The following NOMO2 variants were observed in gnomAD, a reference collection of about 807,000 sequenced individuals.
NOMO2 encodes the protein NODAL modulator 2.
Under a neutral mutation model 67.1 loss-of-function variants are expected in NOMO2, and 14 were observed. The observed-to-expected ratio is 0.21, with a 90% CI of 0.14 to 0.33. NOMO2 has a LOEUF of 0.33. Among genes scored for constraint, NOMO2 ranks in the 10% least tolerant of loss-of-function variants. The pLI is 1.00. For synonymous variants in NOMO2, 80 were observed against 305.9 expected, an observed-to-expected ratio of 0.26 and a Z score of 7.71; for missense variants, 178 against 761.0, an observed-to-expected ratio of 0.23 and a Z score of 9.01.
At position 18,533,162 on chromosome 16, in the gene NOMO2, C is replaced by G; in HGVS notation, c.1238G>C (p.Arg413Pro). ...GTCCGGGAAGCGAATGATTGATATC[C>G]GACCACAGACACTGAACCTGCAAAG... is the stretch of plus-strand genomic sequence containing the variant. ...IVATGFSVCGRISIIRFPDTV... is the reference protein window; with the variant it reads ...IVATGFSVCGPISIIRFPDTV... Residue 413 changes from arginine to proline, a missense_variant, in exon 12 of 31, where the codon CGG (arginine) becomes CCG (proline). Arg to Pro is a moderately radical substitution (Grantham distance 103, BLOSUM62 -2). Coordinates refer to ENST00000622306, the MANE Select transcript of NOMO2 (RefSeq NM_173614.4). 2 of 1,611,456 alleles carry G rather than the reference C, an allele frequency of 1.2e-6. No individual in the cohort carries two copies. The highest frequency in any genetic ancestry group is 1.1e-5 in the South Asian group (1 of 90,908).
At chr16:18,535,908 T>C (rs1212056906) in intron 11 of NOMO2, among the ~76,000 whole-genome samples, 10 of 151,986 alleles carry the variant, frequency 6.6e-5, no homozygotes, top group African/African-American at 2.4e-4. Flanking sequence ...GCGATTCTCC[T>C]GCCTCAGCCT....
chr16:18,557,951 A>C lies in NOMO2; in HGVS notation c.166-160T>G, dbSNP rs552124455. ...TACTGGGGACAGAGGGAAATCAACAAACTCTCTCCCAAATCATGTGACTCA... is the reference window on the plus strand; with the variant it reads ...TACTGGGGACAGAGGGAAATCAACACACTCTCTCCCAAATCATGTGACTCA... On this transcript the variant is annotated intron_variant, in intron 1 of 30. Transcript: ENST00000622306. 7.2e-5 allele frequency among the ~76,000 whole-genome samples: 11 copies of C among 152,160 alleles called. No individual in the cohort carries two copies. The South Asian group carries it at 2.3e-3, about 32-fold the overall frequency.
chr16:18,555,055 TA>T (rs1901873159), intron 2 of NOMO2, among the ~76,000 whole-genome samples: 1 of 100,788 alleles, frequency 9.9e-6, no homozygotes, highest in Admixed American at 1.3e-4. Context: ...AGTTTTCATC[TA>T]AACAATCAGA....
At position 18,533,179 on chromosome 16, in the gene NOMO2, C is replaced by T. The variant is rs1371165601; in HGVS notation, c.1221G>A (p.Gly407=). Residue 407 remains glycine, a splice_region_variant and synonymous_variant, in exon 12 of 31, where the codon GGG becomes GGA. Coordinates refer to ENST00000622306, the MANE Select transcript of NOMO2 (RefSeq NM_173614.4). ...TTGATATCCGACCACAGACACTGAA[C>T]CTGCAAAGAGAAGACCATTCATTCC... ...TPQLADIVAT[G]FSVCGRISII... is the part of the protein sequence containing the mutation. The T allele has an allele frequency of 6.2e-7, 1 of 1,611,360 alleles. No individual in the cohort carries two copies. The highest frequency in any genetic ancestry group is 1.7e-5 in the Admixed American group (1 of 59,928).
chr16:18,539,236 C>A (rs576171746), intron 9 of NOMO2, among the ~76,000 whole-genome samples: 4 of 150,160 alleles, frequency 2.7e-5, no homozygotes, highest in African/African-American at 9.7e-5. Context: ...GTCACTGACT[C>A]AAGCTTCTAG....
At chr16:18,555,731 C>T (rs1901889738) in intron 2 of NOMO2, among the ~76,000 whole-genome samples, 1 of 111,010 alleles carries the variant, frequency 9.0e-6, no homozygotes, top group Non-Finnish European at 1.9e-5. Flanking sequence ...GCCTCAGCCT[C>T]CCAAGTAGCT....
chr16:18,554,233 T>C (rs1210222208), intron 3 of NOMO2, among the ~76,000 whole-genome samples: 1 of 151,972 alleles, frequency 6.6e-6, no homozygotes, highest in African/African-American at 2.4e-5. Flanking sequence ...CACTCAGTAT[T>C]GGTTTATTAA....
At chr16:18,525,205 C>T (rs1174325881) in intron 16 of NOMO2, among the ~76,000 whole-genome samples, 3 of 150,614 alleles carry the variant, frequency 2.0e-5, no homozygotes, top group Non-Finnish European at 4.4e-5. Flanking sequence ...CTCAACAAGC[C>T]CCAGAGTAGT....
chr16:18,541,638 T>TA (rs1901549993), intron 9 of NOMO2, among the ~76,000 whole-genome samples: 1 of 138,578 alleles, frequency 7.2e-6, no homozygotes, highest in Admixed American at 7.2e-5. Context: ...ACCCAGGAGT[T>TA]AGAGAACAGC....
In NOMO2 at chr16:18,549,238, C is replaced by A. The variant is rs416820; in HGVS notation, c.509+283G>T. Reference sequence around the variant, plus strand: ...TCCTGAACTCAAGTGATCCTCCCATCCTGGCCTCCCAAAGTGCTGGCATTA... The same window carrying A: ...TCCTGAACTCAAGTGATCCTCCCATACTGGCCTCCCAAAGTGCTGGCATTA... On this transcript the variant is annotated intron_variant, in intron 5 of 30. Transcript: ENST00000622306. 2.7e-3 allele frequency among the ~76,000 whole-genome samples: 403 copies of A among 151,734 alleles called. 4 individuals are homozygous for A. The highest frequency in any genetic ancestry group is 8.9e-3 in the African/African-American group (367 of 41,334).
intron 12 of NOMO2, 146 bp downstream of exon 12, chr16:18,532,859 C>T: frequency 8.7e-7 from 1 of 1,144,488 alleles, no homozygotes; most frequent in South Asian, 1.7e-5. Context: ...ATCTGACTCT[C>T]CTCTACTGGT....
At chr16:18,550,830 A>G (rs1901767823) in intron 4 of NOMO2, among the ~76,000 whole-genome samples, 2 of 152,124 alleles carry the variant, frequency 1.3e-5, no homozygotes, top group Admixed American at 6.5e-5. Context: ...CGTCCTTCCA[A>G]TTCGGCATCC....
chr16:18,556,655 C>G (rs572484828), intron 2 of NOMO2, among the ~76,000 whole-genome samples: 59 of 152,066 alleles, frequency 3.9e-4, no homozygotes, highest in African/African-American at 1.4e-3. Flanking sequence ...TCCTATGAAT[C>G]TGTATTTCCA....
chr16:18,535,604 C>T (rs1174451344), intron 11 of NOMO2, among the ~76,000 whole-genome samples: 2 of 152,048 alleles, frequency 1.3e-5, no homozygotes, highest in East Asian at 1.9e-4. Context: ...AATCCATCTA[C>T]TCCTCCCTCC....
At chr16:18,531,715 A>T (rs1901307196) in intron 12 of NOMO2, 108 bp from the exon 13 acceptor site, 1 of 1,557,598 alleles carries the variant, frequency 6.4e-7, no homozygotes, top group Non-Finnish European at 8.7e-7. Context: ...GAGATTTTGA[A>T]GGCCAAAGGT....
At chr16:18,557,027 C>T (rs1664159714) in intron 2 of NOMO2, among the ~76,000 whole-genome samples, 1 of 151,854 alleles carries the variant, frequency 6.6e-6, no homozygotes, top group Non-Finnish European at 1.5e-5. Flanking sequence ...TTCGGGAGGC[C>T]TAGGAAGGAA....
chr16:18,528,849 T>C (rs2561924), intron 15 of NOMO2, among the ~76,000 whole-genome samples: 5,255 of 148,240 alleles, frequency 0.035, 17 homozygotes, highest in East Asian at 0.21. Context: ...GCACCTCTAG[T>C]CCCAGCTACT....
chr16:18,553,880 G>A (rs1901846173), intron 3 of NOMO2, among the ~76,000 whole-genome samples: 1 of 142,414 alleles, frequency 7.0e-6, no homozygotes, highest in African/African-American at 2.6e-5. Flanking sequence ...TCAGCTGCCT[G>A]AGCCTCATTT....
intron 6 of NOMO2, among the ~76,000 whole-genome samples, chr16:18,545,147 G>C (rs987261526): frequency 1.4e-5 from 2 of 144,502 alleles, no homozygotes; most frequent in African/African-American, 5.1e-5. Flanking sequence ...CCAAGCTGAA[G>C]TGCAGTGGTG....
Sources: allele counts gnomAD v4.1 joint callset (sites outside exome capture counted in the v4.1 genomes callset), GRCh38; gene constraint gnomAD v4.1.1; transcripts MANE v1.5; gene names NCBI Gene and HGNC (gene_info 2026-07-23, HGNC 2026-07-21).